The following OTUD7A variants were observed in gnomAD, a reference collection of about 807,000 sequenced individuals.
The protein encoded by OTUD7A is OTU deubiquitinase 7A, also known as OTU domain-containing protein 7A.
In OTUD7A, 12 loss-of-function variants were observed where a neutral mutation model predicts 65.7. The observed-to-expected ratio is 0.18, with a 90% CI of 0.12 to 0.30. The LOEUF (loss-of-function observed/expected upper bound fraction) is 0.30, where lower values mean the gene tolerates loss of function less well. Ranked by LOEUF, OTUD7A falls within the 10% of genes least tolerant of loss-of-function variation. The pLI is 1.00. For synonymous variants in OTUD7A, 641 were observed against 586.3 expected, an observed-to-expected ratio of 1.09 and a Z score of -1.35; for missense variants, 1,148 against 1,304.8, an observed-to-expected ratio of 0.88 and a Z score of 1.85.
intron 1 of OTUD7A, among the ~76,000 whole-genome samples, chr15:31,732,046 C>T (rs1595733174): frequency 1.3e-5 from 2 of 152,238 alleles, no homozygotes; most frequent in South Asian, 4.2e-4. Context: ...TAAAGGTGGG[C>T]TAAGCTCTCT....
At chr15:31,769,171 T>C (rs1473922636) in intron 1 of OTUD7A, among the ~76,000 whole-genome samples, 1 of 152,234 alleles carries the variant, frequency 6.6e-6, no homozygotes, top group Non-Finnish European at 1.5e-5. Context: ...TGGCCAAAGA[T>C]ATGTCATGAA....
chr15:31,494,224 G>A (rs956032439), intron 10 of OTUD7A, among the ~76,000 whole-genome samples: 2 of 152,224 alleles, frequency 1.3e-5, no homozygotes, highest in Non-Finnish European at 2.9e-5. Context: ...AGTATTAGAA[G>A]TGTGGTCTTT....
At chr15:31,868,393 G>C (rs1227475799) in intron 1 of OTUD7A, among the ~76,000 whole-genome samples, 2 of 152,320 alleles carry the variant, frequency 1.3e-5, no homozygotes, top group Non-Finnish European at 2.9e-5. Context: ...CAAAAAGATG[G>C]ATACGGGGCC....
chr15:31,846,802 C>A (rs560133014), intron 1 of OTUD7A, among the ~76,000 whole-genome samples: 51 of 152,198 alleles, frequency 3.4e-4, no homozygotes, highest in Non-Finnish European at 3.5e-4. Context: ...TGATTATTTA[C>A]TTTTTTCGCA....
At chr15:31,544,255 A>T in intron 5 of OTUD7A, among the ~76,000 whole-genome samples, 1 of 151,818 alleles carries the variant, frequency 6.6e-6, no homozygotes, top group Non-Finnish European at 1.5e-5. Context: ...AAAAAAATTA[A>T]TAACCTTAAA....
At chr15:31,683,292 C>A (rs1364395264) in intron 1 of OTUD7A, among the ~76,000 whole-genome samples, 1 of 152,106 alleles carries the variant, frequency 6.6e-6, no homozygotes, top group East Asian at 1.9e-4. Context: ...TGGCTCTGAA[C>A]TTTTAAAATA....
intron 3 of OTUD7A, among the ~76,000 whole-genome samples, chr15:31,595,483 G>A (rs1394363989): frequency 6.6e-6 from 1 of 152,184 alleles, no homozygotes; most frequent in Non-Finnish European, 1.5e-5. Context: ...TTCTTCAAGT[G>A]TGCACATCAC....
chr15:31,686,729 T>C (rs2654106), intron 1 of OTUD7A, among the ~76,000 whole-genome samples: 2 of 152,180 alleles, frequency 1.3e-5, no homozygotes, highest in African/African-American at 2.4e-5. Context: ...GGGTTGATAT[T>C]GCCCCAGAAA....
At chr15:31,587,726 C>T (rs1889590717) in intron 3 of OTUD7A, among the ~76,000 whole-genome samples, 1 of 152,112 alleles carries the variant, frequency 6.6e-6, no homozygotes, top group Admixed American at 6.6e-5. Flanking sequence ...CAAATAACTT[C>T]GGAGTCTTCC....
At position 31,480,665 on chromosome 15, in the gene OTUD7A, G is replaced by A. The variant is rs979594501; in HGVS notation, c.*2629C>T. The A allele has an allele frequency of 4.5e-4, 68 of 152,260 alleles. No individual in the cohort carries two copies. The highest frequency in any genetic ancestry group is 1.6e-3 in the African/African-American group (66 of 41,460). 9.4% of individuals were successfully genotyped at this position (152,260 alleles called of 1,614,324 possible). On this transcript the variant is annotated 3_prime_UTR_variant, in exon 13 of 13. Transcript: ENST00000307050. ...AGGTCTACACGCCTCTTCTCAAGGA[G>A]CATGCTGTCGGTGCACGGGACTAGC...
At chr15:31,833,129 C>T (rs1028077497) in intron 1 of OTUD7A, among the ~76,000 whole-genome samples, 7 of 152,060 alleles carry the variant, frequency 4.6e-5, no homozygotes, top group Admixed American at 3.9e-4. Context: ...GTTCTTGATC[C>T]TTTTTAAAAG....
In OTUD7A at chr15:31,487,137, G is replaced by T; in HGVS notation, c.1371+57C>A. On this transcript the variant is annotated intron_variant, in intron 12 of 12. Transcript: ENST00000307050. This position sits in a 1 kb window ranked among gnomAD's most constrained non-coding sequence, Gnocchi z 6.0. ...TGGGAGGATGCACCCTGGTCAGACT[G>T]GAGCTGAGCAGCCTGGACCCTGCTG... 1 of 1,530,226 alleles carries T rather than the reference G, an allele frequency of 6.5e-7. No homozygotes were observed. The allele number at this position is 1,530,226 out of a possible 1,614,324, so 94.8% of individuals were successfully genotyped here.
At chr15:31,553,920 C>T (rs1051647090) in intron 5 of OTUD7A, among the ~76,000 whole-genome samples, 3 of 152,096 alleles carry the variant, frequency 2.0e-5, no homozygotes, top group East Asian at 1.9e-4. Context: ...CGTCAGCCCC[C>T]GGCTCAAAAC....
Position 31,482,807 on chromosome 15 carries a change from A to T in OTUD7A, c.*487T>A, listed in dbSNP as rs1385168143. On this transcript the variant is annotated 3_prime_UTR_variant, in exon 13 of 13. Transcript: ENST00000307050. The stretch of plus-strand genomic sequence containing the variant: ...CTAGGCCTCGGGATGGGAGGCAGGT[A>T]GAGCTCACAGAGGAGCCTCCACCGC... 1 of 152,144 alleles carries T rather than the reference A, an allele frequency of 6.6e-6. No homozygotes were observed. 9.4% of individuals were successfully genotyped at this position (152,144 alleles called of 1,614,324 possible). A position where few individuals can be genotyped will look rare whatever the true frequency, so the allele number is the denominator to read the frequency against.
intron 3 of OTUD7A, among the ~76,000 whole-genome samples, chr15:31,617,696 T>C (rs1890635178): frequency 6.6e-6 from 1 of 152,158 alleles, no homozygotes; most frequent in Non-Finnish European, 1.5e-5. Flanking sequence ...GGTGCAGTGA[T>C]AGGAAGAGGG....
At chr15:31,708,125 C>T (rs1211821279) in intron 1 of OTUD7A, among the ~76,000 whole-genome samples, 2 of 151,624 alleles carry the variant, frequency 1.3e-5, no homozygotes, top group Admixed American at 6.6e-5. Flanking sequence ...TGAAAGCACA[C>T]ACCACCTGCC....
At chr15:31,653,350 A>C (rs912558879) in intron 3 of OTUD7A, among the ~76,000 whole-genome samples, 3 of 152,210 alleles carry the variant, frequency 2.0e-5, no homozygotes, top group Non-Finnish European at 2.9e-5. Flanking sequence ...AACTGCCAAA[A>C]ATGGAAAACA....
At chr15:31,599,108 C>A (rs373776397) in intron 3 of OTUD7A, among the ~76,000 whole-genome samples, 2 of 152,212 alleles carry the variant, frequency 1.3e-5, no homozygotes, top group Admixed American at 1.3e-4. Context: ...CCCTGCCTGA[C>A]GGCTCTGAAG....
chr15:31,562,819 A>G (rs1398308031), intron 4 of OTUD7A, among the ~76,000 whole-genome samples: 1 of 152,166 alleles, frequency 6.6e-6, no homozygotes, highest in African/African-American at 2.4e-5. Flanking sequence ...TACATGAGTG[A>G]GCGTGGGGGT....
Sources: allele counts gnomAD v4.1 joint callset (sites outside exome capture counted in the v4.1 genomes callset), GRCh38; gene constraint gnomAD v4.1.1; non-coding constraint Gnocchi (gnomAD v3.1); transcripts MANE v1.5; gene names NCBI Gene and HGNC (gene_info 2026-07-23, HGNC 2026-07-21).